The following CHCHD10 variants were observed in gnomAD, a reference collection of about 807,000 sequenced individuals.
The protein encoded by CHCHD10 is coiled-coil-helix-coiled-coil-helix domain-containing protein 10, mitochondrial.
Under a neutral mutation model 14.8 loss-of-function variants are expected in CHCHD10, and 10 were observed. The observed-to-expected ratio is 0.67, with a 90% CI of 0.42 to 1.14. The LOEUF (loss-of-function observed/expected upper bound fraction) is 1.14. Ranked by LOEUF, CHCHD10 falls within the 50% of genes most tolerant of loss-of-function variation. CHCHD10 has a pLI of 0.00. For synonymous variants in CHCHD10, 90 were observed against 85.2 expected (o/e 1.06, Z -0.31); for missense variants, 203 against 196.9 (o/e 1.03, Z -0.19).
intron 2 of CHCHD10, 75 bp from the exon 3 acceptor site, chr22:23,766,350 A>C: frequency 1.5e-6 from 2 of 1,347,130 alleles, no homozygotes; most frequent in South Asian, 1.4e-5. Flanking sequence ...ACCTGGGGCC[A>C]CCTGCCCCTC....
Position 23,767,818 on chromosome 22 carries a change from CT to C in CHCHD10, c.41+15del. The C allele has an allele frequency of 6.5e-7, 1 of 1,547,732 alleles. No homozygotes were observed. Among genetic ancestry groups the C allele is most frequent in the Non-Finnish European group, 8.7e-7 (1 of 1,148,018 alleles). ...TCCCTAACCCCCTCCCCACAGGGCC[CT>C]TGTCCCCCTCACACCTGGCTGGCCG... On this transcript the variant is annotated intron_variant, in intron 1 of 3. Coordinates refer to ENST00000484558, the MANE Select transcript of CHCHD10 (RefSeq NM_213720.3).
At position 23,767,545 on chromosome 22, in the gene CHCHD10, C is replaced by A; in HGVS notation, c.90G>T (p.Ser30=). The change falls in exon 2 of 4, where the codon TCG becomes TCT. Residue 30 remains serine (S), a synonymous_variant. Transcript: ENST00000484558. ...SAHPPAHPPP[S]AAAPAPAPSG... is the part of the protein sequence containing the mutation. The stretch of plus-strand genomic sequence containing the variant: ...AAGGGGCGGGGGCTGGGGCGGCTGC[C>A]GAGGGCGGTGGGTGCGCGGGCGGGT... 1 of 1,370,602 alleles carries A rather than the reference C, an allele frequency of 7.3e-7. No homozygotes were observed. Among genetic ancestry groups the A allele is most frequent in the South Asian group, 1.5e-5 (1 of 68,464 alleles). 84.9% of individuals were successfully genotyped at this position (1,370,602 alleles called of 1,614,324 possible).
intron 2 of CHCHD10, 169 bp from the exon 3 acceptor site, chr22:23,766,444 C>T: frequency 1.8e-6 from 1 of 543,580 alleles, no homozygotes; most frequent in Non-Finnish European, 3.2e-6. Context: ...CAGCATGTTT[C>T]TGCTGCCTTT....
chr22:23,767,364 C>T lies in CHCHD10; in HGVS notation c.261+10G>A, dbSNP rs781393947. 52 of 1,606,860 alleles carry T rather than the reference C, an allele frequency of 3.2e-5. No individual in the cohort carries two copies. The highest frequency in any genetic ancestry group is 5.5e-5 in the South Asian group (5 of 90,330). ...ATCCTGCCTCAGTTTCTCTTGGACT[C>T]GCTGCTCACCTGCTGGACAGCAGGC... On this transcript the variant is annotated intron_variant, in intron 2 of 3. Coordinates refer to ENST00000484558, the MANE Select transcript of CHCHD10 (RefSeq NM_213720.3).
In CHCHD10 at chr22:23,767,877, T is replaced by C. The variant is rs368936631; in HGVS notation, c.-3A>G. The stretch of plus-strand genomic sequence containing the variant: ...GCGCTGCGGCTTCCCCGAGGCATGG[T>C]GGCGGCGGTGGGACCCGGGCGACCT... On this transcript the variant is annotated 5_prime_UTR_variant, in exon 1 of 4. Coordinates refer to ENST00000484558, the MANE Select transcript of CHCHD10 (RefSeq NM_213720.3). 21 of 1,507,186 alleles carry C rather than the reference T, an allele frequency of 1.4e-5. No homozygotes were observed. The highest frequency in any genetic ancestry group is 1.1e-4 in the East Asian group (4 of 36,960). 93.4% of individuals were successfully genotyped at this position (1,507,186 alleles called of 1,614,324 possible). A position where few individuals can be genotyped will look rare whatever the true frequency, so the allele number is the denominator to read the frequency against.
chr22:23,766,576 C>G, intron 2 of CHCHD10: 1 of 330,048 alleles, frequency 3.0e-6, no homozygotes, highest in South Asian at 4.7e-5. Context: ...CCTTGGCCTC[C>G]CAAGTAGCTG....
At position 23,766,173 on chromosome 22, in the gene CHCHD10, A is replaced by G. The variant is rs763453989; in HGVS notation, c.364T>C (p.Cys122Arg). Reference protein sequence around the residue: ...CSTTQSDLSLCEGFSEALKQC... With the variant: ...CSTTQSDLSLREGFSEALKQC... ...TTCAGGGCCTCGCTGAAGCCCTCAC[A>G]CAGGGACAGGTCACTCTGAGTGGTG... The change falls in exon 3 of 4, where the codon TGT (cysteine) becomes CGT (arginine). Residue 122 changes from cysteine (C) to arginine (R), a missense_variant. Coordinates refer to ENST00000484558, the MANE Select transcript of CHCHD10 (RefSeq NM_213720.3). The G allele has an allele frequency of 7.5e-6, 12 of 1,602,950 alleles. No homozygotes were observed. Among genetic ancestry groups the G allele is most frequent in the Non-Finnish European group, 8.5e-6 (10 of 1,173,730 alleles).
In CHCHD10 at chr22:23,765,834, T is replaced by A. The variant is rs1291197456; in HGVS notation, c.*173A>T. Reference sequence around the variant, plus strand: ...CCATCGAGAGAGGCACACAACAGGCTGTGGTCTAAAATAAACTTTTAATTG... The same window carrying A: ...CCATCGAGAGAGGCACACAACAGGCAGTGGTCTAAAATAAACTTTTAATTG... On this transcript the variant is annotated 3_prime_UTR_variant, in exon 4 of 4. Transcript: ENST00000484558. 1 of 1,531,018 alleles carries A rather than the reference T, an allele frequency of 6.5e-7. No homozygotes were observed. The highest frequency in any genetic ancestry group is 2.4e-5 in the East Asian group (1 of 40,878). The allele number at this position is 1,531,018 out of a possible 1,614,324, so 94.8% of individuals were successfully genotyped here. A position where few individuals can be genotyped will look rare whatever the true frequency, so the allele number is the denominator to read the frequency against.
chr22:23,766,081 G>A (rs1180280622), intron 3 of CHCHD10, 47 bp downstream of exon 3: 18 of 1,613,094 alleles, frequency 1.1e-5, no homozygotes, highest in Non-Finnish European at 1.4e-5. Flanking sequence ...GCAAGAGGAG[G>A]GTTGGCCTCT....
In CHCHD10 at chr22:23,767,522, G is replaced by A. The variant is rs564997204; in HGVS notation, c.113C>T (p.Pro38Leu). 5.2e-5 allele frequency: 78 copies of A among 1,489,836 alleles called. No individual in the cohort carries two copies. The African/African-American group carries it at 9.9e-4, about 19-fold the overall frequency. The allele number at this position is 1,489,836 out of a possible 1,614,324, so 92.3% of individuals were successfully genotyped here. Residue 38 changes from proline to leucine, a missense_variant, in exon 2 of 4, where the codon CCT becomes CTT. Transcript: ENST00000484558. ...AGCCATGAGCCCCGGCTGGCCCGAA[G>A]GGGCGGGGGCTGGGGCGGCTGCCGA... is the stretch of plus-strand genomic sequence containing the variant. Reference protein sequence around the residue: ...PPSAAAPAPAPSGQPGLMAQM... With the variant: ...PPSAAAPAPALSGQPGLMAQM...
intron 2 of CHCHD10, chr22:23,766,541 C>T (rs1312852941): frequency 2.5e-6 from 1 of 397,890 alleles, no homozygotes; most frequent in Non-Finnish European, 4.5e-6. Context: ...CAACCTCCGC[C>T]TCCCGGGTTC....
In CHCHD10 at chr22:23,765,874, G is replaced by A. The variant is rs1011991395; in HGVS notation, c.*133C>T. ...ACTTTTAATTGCACATTTGTGTCTT[G>A]GGTTATCTGTGGGGTGAGAAACCTC... On this transcript the variant is annotated 3_prime_UTR_variant, in exon 4 of 4. Coordinates refer to ENST00000484558, the MANE Select transcript of CHCHD10 (RefSeq NM_213720.3). The A allele has an allele frequency of 1.9e-6, 3 of 1,552,782 alleles. No homozygotes were observed. Among genetic ancestry groups the A allele is most frequent in the Non-Finnish European group, 2.6e-6 (3 of 1,135,576 alleles).
rs564469294 is a variant in CHCHD10 at position 23,766,274 on chromosome 22, G to T, written c.263C>A (p.Ala88Asp). 2.8e-6 allele frequency: 4 copies of T among 1,440,766 alleles called. No homozygotes were observed. Among genetic ancestry groups the T allele is most frequent in the Non-Finnish European group, 2.8e-6 (3 of 1,057,522 alleles). 89.2% of individuals were successfully genotyped at this position (1,440,766 alleles called of 1,614,324 possible). ...SEPSQPAVQQ[A>D]PTPAAPQPLQ... ...GGGCTGGGGGGCAGCGGGGGTGGGGGCCTGGGGGTACAGTGCAAGAGGCTG... is the reference window on the plus strand; with the variant it reads ...GGGCTGGGGGGCAGCGGGGGTGGGGTCCTGGGGGTACAGTGCAAGAGGCTG... Residue 88 changes from alanine (A) to aspartate (D), a missense_variant and splice_region_variant, in exon 3 of 4, where the codon GCC (alanine) becomes GAC (aspartate). Transcript: ENST00000484558.
In CHCHD10 at chr22:23,767,401, C is replaced by G. The variant is rs111527940; in HGVS notation, c.234G>C (p.Ser78=). The G allele has an allele frequency of 1.9e-6, 3 of 1,608,390 alleles. No individual in the cohort carries two copies. The highest frequency in any genetic ancestry group is 1.7e-5 in the Admixed American group (1 of 59,824). ...GCTGGACAGCAGGCTGGGAGGGCTC[C>G]GAGCTCCCCCCGCTGAAGGCTCCGG... ...ALTGAFSGGS[S]EPSQPAVQQA... is the part of the protein sequence containing the mutation. The change falls in exon 2 of 4, where the codon TCG becomes TCC. Residue 78 remains serine, a synonymous_variant. Transcript: ENST00000484558.
intron 1 of CHCHD10, 33 bp downstream of exon 1, chr22:23,767,793 TCCCTAACC>T: frequency 6.7e-7 from 1 of 1,501,032 alleles, no homozygotes; most frequent in Non-Finnish European, 9.0e-7. Flanking sequence ...TGCCCACACT[TCCCTAACC>T]CCCTCCCCAC....
chr22:23,767,735 G>A, intron 1 of CHCHD10, 99 bp downstream of exon 1: 1 of 1,128,910 alleles, frequency 8.9e-7, no homozygotes, highest in African/African-American at 1.6e-5. Flanking sequence ...CCCCCGCCAA[G>A]ATGGCGCAGC....
At chr22:23,766,075 G>T in intron 3 of CHCHD10, 49 bp from the exon 4 acceptor site, 1 of 1,612,928 alleles carries the variant, frequency 6.2e-7, no homozygotes, top group Middle Eastern at 1.7e-4. Flanking sequence ...GCAGGTGCAA[G>T]AGGAGGGTTG....
intron 2 of CHCHD10, 62 bp downstream of exon 2, chr22:23,767,312 G>C (rs1296050394): frequency 7.1e-7 from 1 of 1,400,894 alleles, no homozygotes; most frequent in Non-Finnish European, 1.0e-6. Flanking sequence ...TGGACACTTG[G>C]GCAGCTCCCT....
chr22:23,766,105 T>A (rs1433614628), intron 3 of CHCHD10, 23 bp downstream of exon 3: 1 of 1,613,386 alleles, frequency 6.2e-7, no homozygotes. Context: ...CCTCCCCGCC[T>A]GAGTCGGGGT....
Sources: allele counts gnomAD v4.1 joint callset, GRCh38; gene constraint gnomAD v4.1.1; transcripts MANE v1.5; gene names NCBI Gene and HGNC (gene_info 2026-07-23, HGNC 2026-07-21).